Variants in LRRFIP2 observed in about 807,000 individuals in gnomAD.
The protein encoded by LRRFIP2 is leucine-rich repeat flightless-interacting protein 2.
LRRFIP2 carries 109 observed loss-of-function variants against 125.9 expected under a neutral mutation model. That is an observed-to-expected ratio of 0.87 (90% CI 0.74 to 1.01). LRRFIP2 has a LOEUF of 1.01. LRRFIP2 is among the 50% of genes least tolerant of loss of function. The pLI, the probability that LRRFIP2 is intolerant of heterozygous loss-of-function variation, is 0.00. For synonymous variants in LRRFIP2, 291 were observed against 293.1 expected (o/e 0.99, Z 0.07); for missense variants, 850 against 862.3 (o/e 0.99, Z 0.18).
intron 19 of LRRFIP2, among the ~76,000 whole-genome samples, chr3:37,080,656 A>T (rs943782012): frequency 5.9e-5 from 9 of 152,078 alleles, no homozygotes; most frequent in Admixed American, 3.3e-4. Context: ...TTTACAGAGA[A>T]TACAGAGGAA....
At position 37,058,843 on chromosome 3, in the gene LRRFIP2, C is replaced by CAGTGGGT; in HGVS notation, c.1816_1817insACCCACT (p.Gly606AspfsTer4). On this transcript the variant is annotated frameshift_variant, in exon 25 of 28. Coordinates refer to ENST00000336686, the MANE Select transcript of LRRFIP2 (RefSeq NM_006309.4). LOFTEE classifies it high-confidence loss of function. ...GCCATTCTGCAGTCCTGCCAGGTCACCCACTGTGCCATCATTCCTGGAGCA... is the reference window on the plus strand; with the variant it reads ...GCCATTCTGCAGTCCTGCCAGGTCACAGTGGGTCCACTGTGCCATCATTCCTGGAGCA... 6.2e-7 allele frequency: 1 copy of CAGTGGGT among 1,614,048 alleles called. No homozygotes were observed.
At chr3:37,066,776 C>A (rs1377442188) in intron 21 of LRRFIP2, 1 of 160,932 alleles carries the variant, frequency 6.2e-6, no homozygotes, top group Non-Finnish European at 1.4e-5. Flanking sequence ...AAAAATAGTT[C>A]TGGAATAAAA....
chr3:37,147,652 A>C (rs1415750367), intron 2 of LRRFIP2, among the ~76,000 whole-genome samples: 1 of 152,258 alleles, frequency 6.6e-6, no homozygotes, highest in Non-Finnish European at 1.5e-5. Context: ...AAGGAAATAC[A>C]CTATTCCTAA....
At chr3:37,166,074 A>C (rs2096483082) in intron 1 of LRRFIP2, among the ~76,000 whole-genome samples, 1 of 152,184 alleles carries the variant, frequency 6.6e-6, no homozygotes, top group Non-Finnish European at 1.5e-5. Flanking sequence ...GCGGTGGCTC[A>C]CATCTGGAAT....
At chr3:37,066,061 T>C in intron 22 of LRRFIP2, 119 bp from the exon 23 acceptor site, 1 of 1,398,010 alleles carries the variant, frequency 7.2e-7, no homozygotes, top group African/African-American at 1.4e-5. Flanking sequence ...ATCAGTTACA[T>C]GAAATATAGC....
At chr3:37,158,346 C>A (rs1385742115) in intron 1 of LRRFIP2, among the ~76,000 whole-genome samples, 1 of 152,122 alleles carries the variant, frequency 6.6e-6, no homozygotes, top group African/African-American at 2.4e-5. Flanking sequence ...GTGGCTCATG[C>A]CTGTAATCCC....
intron 2 of LRRFIP2, among the ~76,000 whole-genome samples, chr3:37,140,588 G>A (rs927576276): frequency 1.3e-4 from 19 of 151,172 alleles, no homozygotes; most frequent in African/African-American, 4.4e-4. Flanking sequence ...AAAATTAGCC[G>A]GGCGTGGTAG....
chr3:37,159,730 C>G (rs938152821), intron 1 of LRRFIP2, among the ~76,000 whole-genome samples: 2 of 151,542 alleles, frequency 1.3e-5, no homozygotes, highest in South Asian at 2.1e-4. Flanking sequence ...TGTTCTCAAA[C>G]TCCTGACATC....
intron 11 of LRRFIP2, among the ~76,000 whole-genome samples, 172 bp downstream of exon 11, chr3:37,109,355 T>C (rs767023921): frequency 6.6e-6 from 1 of 152,224 alleles, no homozygotes; most frequent in Non-Finnish European, 1.5e-5. Context: ...TATGTTCATT[T>C]TTAATACCCT....
At chr3:37,151,180 G>A (rs1560087452) in intron 1 of LRRFIP2, among the ~76,000 whole-genome samples, 1 of 152,038 alleles carries the variant, frequency 6.6e-6, no homozygotes, top group African/African-American at 2.4e-5. Flanking sequence ...CCAACATGGC[G>A]AAACCCCATC....
chr3:37,120,903 T>A (rs1390488538), intron 6 of LRRFIP2, among the ~76,000 whole-genome samples: 1 of 152,092 alleles, frequency 6.6e-6, no homozygotes, highest in Non-Finnish European at 1.5e-5. Flanking sequence ...AGACAGAAAT[T>A]AGGGTCTTGG....
At chr3:37,113,493 T>C (rs914413941) in intron 7 of LRRFIP2, among the ~76,000 whole-genome samples, 19 of 152,130 alleles carry the variant, frequency 1.2e-4, no homozygotes, top group African/African-American at 4.1e-4. Context: ...GTAGAGACAA[T>C]GTCTTGCTAT....
rs543103457 is a variant in LRRFIP2 at position 37,070,457 on chromosome 3, C to T, written c.1464+2333G>A. 6.6e-5 allele frequency among the ~76,000 whole-genome samples: 10 copies of T among 151,966 alleles called. No homozygotes were observed. The South Asian group carries it at 1.7e-3, about 25-fold the overall frequency. Reference sequence around the variant, plus strand: ...CTGCATGTAAATCTAAAATTCTGGCCGGGCACAGTGGCTCATGCCTGTAGT... The same window carrying T: ...CTGCATGTAAATCTAAAATTCTGGCTGGGCACAGTGGCTCATGCCTGTAGT... On this transcript the variant is annotated intron_variant, in intron 21 of 27. Coordinates refer to ENST00000336686, the MANE Select transcript of LRRFIP2 (RefSeq NM_006309.4).
In LRRFIP2 at chr3:37,147,282, T is replaced by C. The variant is rs940869042; in HGVS notation, c.90+1612A>G. ...TGAGAATGTTAGTTAGTTCAACCAT[T>C]GTAGAAGACAGTGTGGTGATTCCTC... On this transcript the variant is annotated intron_variant, in intron 2 of 27. Transcript: ENST00000336686. 4.6e-5 allele frequency among the ~76,000 whole-genome samples: 7 copies of C among 152,312 alleles called. No individual in the cohort carries two copies. The East Asian group carries it at 5.8e-4, about 13-fold the overall frequency.
At chr3:37,105,628 A>G (rs1559865408) in intron 13 of LRRFIP2, 105 bp from the exon 14 acceptor site, 10 of 751,768 alleles carry the variant, frequency 1.3e-5, no homozygotes, top group Admixed American at 1.0e-4. Context: ...GAATAACTAT[A>G]TAAGCAGCAT....
intron 7 of LRRFIP2, among the ~76,000 whole-genome samples, chr3:37,113,303 C>T (rs2094623630): frequency 6.6e-6 from 1 of 152,046 alleles, no homozygotes; most frequent in South Asian, 2.1e-4. Context: ...GTCCCTCTGA[C>T]TTCTTTTTTT....
intron 20 of LRRFIP2, among the ~76,000 whole-genome samples, chr3:37,073,718 G>A (rs958792003): frequency 6.6e-6 from 1 of 152,144 alleles, no homozygotes; most frequent in Admixed American, 6.6e-5. Flanking sequence ...AAGCCACAGT[G>A]ATGAACTATA....
intron 2 of LRRFIP2, among the ~76,000 whole-genome samples, chr3:37,147,789 T>G (rs1277052386): frequency 1.3e-5 from 2 of 152,236 alleles, no homozygotes; most frequent in Non-Finnish European, 1.5e-5. Context: ...CAGTTGCAGA[T>G]AGAGTCTGAA....
At position 37,053,591 on chromosome 3, in the gene LRRFIP2, A is replaced by G. The variant is rs984931410; in HGVS notation, c.*260T>C. On this transcript the variant is annotated 3_prime_UTR_variant, in exon 28 of 28. Transcript: ENST00000336686. ...AGCTGGGGAAAAACGTTGAGTAAAC[A>G]TGATTCTACAATTACGGAGATAAAA... is the stretch of plus-strand genomic sequence containing the variant. The G allele has an allele frequency of 1.3e-5, 5 of 399,670 alleles. No homozygotes were observed. Among genetic ancestry groups the G allele is most frequent in the African/African-American group, 8.2e-5 (4 of 48,682 alleles). 24.8% of individuals were successfully genotyped at this position (399,670 alleles called of 1,614,324 possible). A position where few individuals can be genotyped will look rare whatever the true frequency, so the allele number is the denominator to read the frequency against.
Sources: allele counts gnomAD v4.1 joint callset (sites outside exome capture counted in the v4.1 genomes callset), GRCh38; gene constraint gnomAD v4.1.1; transcripts MANE v1.5; gene names NCBI Gene and HGNC (gene_info 2026-07-23, HGNC 2026-07-21).